HMCN1: variants seen among roughly 807,000 people sequenced by gnomAD.
HMCN1 encodes hemicentin 1.
HMCN1 carries 321 observed loss-of-function variants against 625.9 expected under a neutral mutation model. The observed-to-expected ratio is 0.51, with a 90% CI of 0.47 to 0.56. The LOEUF (loss-of-function observed/expected upper bound fraction) is 0.56, where lower values mean the gene tolerates loss of function less well. Among genes scored for constraint, HMCN1 ranks in the 20% least tolerant of loss-of-function variants. The probability of loss-of-function intolerance (pLI) is 0.00; values close to 1 mark genes in which losing one functional copy is unlikely to be tolerated. For synonymous variants in HMCN1, 2,425 were observed against 2,417.6 expected, an observed-to-expected ratio of 1.00 and a Z score of -0.09; for missense variants, 6,588 against 6,887.3, an observed-to-expected ratio of 0.96 and a Z score of 1.54.
intron 4 of HMCN1, among the ~76,000 whole-genome samples, chr1:185,871,403 T>G (rs1413118152): frequency 6.6e-6 from 1 of 152,150 alleles, no homozygotes; most frequent in Non-Finnish European, 1.5e-5. Context: ...ACCTCAGATA[T>G]TTTCTGTGTG....
intron 26 of HMCN1, among the ~76,000 whole-genome samples, chr1:186,000,963 C>T (rs1653155851): frequency 6.6e-6 from 1 of 152,000 alleles, no homozygotes; most frequent in African/African-American, 2.4e-5. Context: ...TATTCACCCT[C>T]ATCAACAAAG....
At chr1:185,961,696 AAT>A (rs1181503481) in intron 11 of HMCN1, among the ~76,000 whole-genome samples, 2 of 152,208 alleles carry the variant, frequency 1.3e-5, no homozygotes, top group Non-Finnish European at 2.9e-5. Context: ...AACATCCCAG[AAT>A]TATCTCAGAG....
intron 1 of HMCN1, among the ~76,000 whole-genome samples, chr1:185,785,744 G>A (rs1233270974): frequency 2.6e-5 from 4 of 152,174 alleles, no homozygotes; most frequent in African/African-American, 9.7e-5. Flanking sequence ...ATGTGATCCT[G>A]TTTGTGGCTG....
rs532869251 is a variant in HMCN1, at chr1:186,170,963, A to T, written c.15575-374A>T. 1.5e-3 allele frequency among the ~76,000 whole-genome samples: 225 copies of T among 152,342 alleles called. 1 individual carries two copies. Among genetic ancestry groups the T allele is most frequent in the African/African-American group, 5.2e-3 (218 of 41,572 alleles). ...AGAAAGGGGAAGAAAGGACAATTGC[A>T]AAAGACCTTAGTGTTGTTGGAGTTT... On this transcript the variant is annotated intron_variant, in intron 100 of 106. Coordinates refer to ENST00000271588, the MANE Select transcript of HMCN1 (RefSeq NM_031935.3).
At chr1:185,862,402 A>G (rs945723500) in intron 2 of HMCN1, among the ~76,000 whole-genome samples, 1 of 152,164 alleles carries the variant, frequency 6.6e-6, no homozygotes, top group East Asian at 1.9e-4. Flanking sequence ...AGTCGAATGA[A>G]TGACCACTGA....
At chr1:185,882,932 A>T (rs1353236230) in intron 4 of HMCN1, among the ~76,000 whole-genome samples, 1 of 152,060 alleles carries the variant, frequency 6.6e-6, no homozygotes, top group African/African-American at 2.4e-5. Context: ...TCTTGTGCCT[A>T]CGTGAATCTA....
chr1:185,970,286 C>A, intron 14 of HMCN1, 49 bp from the exon 15 acceptor site: 2 of 1,547,960 alleles, frequency 1.3e-6, no homozygotes, highest in Non-Finnish European at 1.8e-6. Flanking sequence ...GCTGCATAAA[C>A]AATTTTAATA....
At chr1:185,798,717 A>G (rs1462293627) in intron 1 of HMCN1, among the ~76,000 whole-genome samples, 1 of 151,670 alleles carries the variant, frequency 6.6e-6, no homozygotes, top group African/African-American at 2.4e-5. Flanking sequence ...TTTCATTTCT[A>G]GAAGTTCTGG....
At chr1:186,148,681 T>C (rs112027337) in intron 93 of HMCN1, among the ~76,000 whole-genome samples, 3,630 of 152,094 alleles carry the variant, frequency 0.024, 133 homozygotes, top group African/African-American at 0.082. Flanking sequence ...TTTTGTATTT[T>C]TTTTTAGTAG....
At chr1:186,030,445 T>G (rs111292588) in intron 36 of HMCN1, among the ~76,000 whole-genome samples, 278 of 152,192 alleles carry the variant, frequency 1.8e-3, no homozygotes, top group African/African-American at 6.3e-3. Context: ...AAGTCCTACT[T>G]TGTTGCCAGT....
At chr1:186,021,572 T>C (rs1233588768) in intron 35 of HMCN1, among the ~76,000 whole-genome samples, 1 of 152,056 alleles carries the variant, frequency 6.6e-6, no homozygotes, top group Non-Finnish European at 1.5e-5. Context: ...TTAAAGACCA[T>C]GTAATATAAT....
chr1:186,038,743 G>A (rs897654244), intron 37 of HMCN1, 86 bp from the exon 38 acceptor site: 23 of 783,806 alleles, frequency 2.9e-5, no homozygotes, highest in Non-Finnish European at 5.3e-5. Flanking sequence ...TAAGAATAAA[G>A]TAATAGTGAC....
At chr1:185,837,032 A>G (rs189238164) in intron 1 of HMCN1, among the ~76,000 whole-genome samples, 6,067 of 115,496 alleles carry the variant, frequency 0.053, 415 homozygotes, top group African/African-American at 0.2. Context: ...GTGTGTGTGT[A>G]TATATAAAAT....
intron 97 of HMCN1, among the ~76,000 whole-genome samples, chr1:186,156,861 T>TAAAC (rs1181914992): frequency 6.6e-6 from 1 of 152,220 alleles, no homozygotes; most frequent in Non-Finnish European, 1.5e-5. Flanking sequence ...TACTATGTAC[T>TAAAC]AAACATTGTT....
intron 1 of HMCN1, among the ~76,000 whole-genome samples, chr1:185,803,896 CT>C (rs1320972659): frequency 1.3e-5 from 2 of 152,008 alleles, no homozygotes; most frequent in East Asian, 3.8e-4. Flanking sequence ...TTAGTCATTG[CT>C]TTTTGGCTAT....
chr1:185,927,062 T>C (rs1283185040), intron 9 of HMCN1, among the ~76,000 whole-genome samples: 1 of 152,208 alleles, frequency 6.6e-6, no homozygotes, highest in Non-Finnish European at 1.5e-5. Flanking sequence ...TTTGGACAAA[T>C]TACTTGTCCT....
chr1:186,131,551 G>C (rs190925449), intron 85 of HMCN1, among the ~76,000 whole-genome samples: 27 of 152,090 alleles, frequency 1.8e-4, no homozygotes, highest in African/African-American at 6.5e-4. Context: ...TGTTGACTAG[G>C]AACTTCCATT....
intron 15 of HMCN1, 73 bp downstream of exon 15, chr1:185,970,566 A>C: frequency 7.7e-7 from 1 of 1,305,180 alleles, no homozygotes. Flanking sequence ...ATAACCTTGA[A>C]ATGGTTTGGT....
At chr1:186,093,372 C>T in intron 65 of HMCN1, 114 bp downstream of exon 65, 1 of 1,579,920 alleles carries the variant, frequency 6.3e-7, no homozygotes, top group Non-Finnish European at 8.7e-7. Context: ...GATGCCACCA[C>T]TATTTCCTTT....
Sources: allele counts gnomAD v4.1 joint callset (sites outside exome capture counted in the v4.1 genomes callset), GRCh38; gene constraint gnomAD v4.1.1; transcripts MANE v1.5; gene names NCBI Gene and HGNC (gene_info 2026-07-23, HGNC 2026-07-21).